Variants in NAPEPLD observed in about 807,000 individuals in gnomAD.
The protein encoded by NAPEPLD is N-acyl-phosphatidylethanolamine-hydrolyzing phospholipase D.
In NAPEPLD, 23 loss-of-function variants were observed where a neutral mutation model predicts 38.1. The observed-to-expected ratio is 0.60, with a 90% CI of 0.43 to 0.86. The LOEUF (loss-of-function observed/expected upper bound fraction) is 0.86. NAPEPLD is among the 40% of genes least tolerant of loss of function. The pLI is 0.00. For missense variants in NAPEPLD, 411 were observed against 476.8 expected, an observed-to-expected ratio of 0.86 and a Z score of 1.28; for synonymous variants, 147 against 162.0, an observed-to-expected ratio of 0.91 and a Z score of 0.71.
rs1458811724 is a variant in NAPEPLD at position 103,113,876 on chromosome 7, A to C, written c.1056+1184T>G. On this transcript the variant is annotated intron_variant, in intron 4 of 4. Transcript: ENST00000465647. ...ACCTCAGGTGATCCACCCGCCTCAG[A>C]CTCCCAAAGTGCTGGGATTACAGGT... 3.4e-3 allele frequency among the ~76,000 whole-genome samples: 436 copies of C among 129,926 alleles called. No homozygotes were observed. The Middle Eastern group carries it at 0.051, about 15-fold the overall frequency. The allele number at this position is 129,926 out of a possible 152,430, so 85.2% of individuals were successfully genotyped here. A position where few individuals can be genotyped will look rare whatever the true frequency, so the allele number is the denominator to read the frequency against.
chr7:103,128,493 C>T lies in NAPEPLD; in HGVS notation c.284G>A (p.Ser95Asn). 6.2e-7 allele frequency: 1 copy of T among 1,614,132 alleles called. No individual in the cohort carries two copies. The highest frequency in any genetic ancestry group is 8.5e-7 in the Non-Finnish European group (1 of 1,180,022). Residue 95 changes from serine (S) to asparagine (N), a missense_variant, in exon 2 of 5, where the codon AGT becomes AAT. Coordinates refer to ENST00000465647, the MANE Select transcript of NAPEPLD (RefSeq NM_001122838.3). ...AAAGCCAAGCGCTACCTCTTTAGAA[C>T]TTGGAACACTGCTGTGATCTTTCTC... Reference protein sequence around the residue: ...IMEKDHSSVPSSKEELDKELP... With the variant: ...IMEKDHSSVPNSKEELDKELP...
intron 1 of NAPEPLD, chr7:103,129,266 AGAAG>A (rs961910410): frequency 3.0e-5 from 29 of 968,976 alleles, no homozygotes; most frequent in Non-Finnish European, 3.3e-5. Context: ...CATGAAAGAA[AGAAG>A]GATGTTTGCT....
rs1389684053 is a variant in NAPEPLD, at chr7:103,103,244, T to C, written c.*185A>G. 1.4e-5 allele frequency: 8 copies of C among 563,644 alleles called. No individual in the cohort carries two copies. The highest frequency in any genetic ancestry group is 2.3e-5 in the Non-Finnish European group (8 of 345,240). The allele number at this position is 563,644 out of a possible 1,614,324, so 34.9% of individuals were successfully genotyped here. A position where few individuals can be genotyped will look rare whatever the true frequency, so the allele number is the denominator to read the frequency against. On this transcript the variant is annotated 3_prime_UTR_variant, in exon 5 of 5. Transcript: ENST00000465647. ...ATTTAAATGACCCACCCCTGAACCCTCTCATAGTGTACATGAGCTGATCAT... is the reference window on the plus strand; with the variant it reads ...ATTTAAATGACCCACCCCTGAACCCCCTCATAGTGTACATGAGCTGATCAT...
rs151011982 is a variant in NAPEPLD, at chr7:103,100,999, G to C, written c.*2430C>G. ...AGTTTAAAGTGCTTTGAGACCCTCA[G>C]TTAAACAGTACACGTGAATACAAAA... On this transcript the variant is annotated 3_prime_UTR_variant, in exon 5 of 5. Transcript: ENST00000465647. 41 of 152,288 alleles carry C rather than the reference G, an allele frequency of 2.7e-4. No homozygotes were observed. Among genetic ancestry groups the C allele is most frequent in the Admixed American group, 2.6e-3 (39 of 15,284 alleles). 9.4% of individuals were successfully genotyped at this position (152,288 alleles called of 1,614,324 possible).
intron 4 of NAPEPLD, among the ~76,000 whole-genome samples, chr7:103,112,589 A>G (rs1804750188): frequency 6.6e-6 from 1 of 151,058 alleles, no homozygotes; most frequent in Non-Finnish European, 1.5e-5. Flanking sequence ...AACATCACAC[A>G]TTGGGGCCTG....
chr7:103,113,065 A>AG (rs1804848958), intron 4 of NAPEPLD, among the ~76,000 whole-genome samples: 1 of 152,228 alleles, frequency 6.6e-6, no homozygotes, highest in South Asian at 2.1e-4. Flanking sequence ...CTAAAAATCT[A>AG]GGAGTCAACC....
chr7:103,144,884 T>A (rs1812220289), intron 1 of NAPEPLD, among the ~76,000 whole-genome samples: 1 of 152,056 alleles, frequency 6.6e-6, no homozygotes, highest in Non-Finnish European at 1.5e-5. Flanking sequence ...TGGTAGTGCA[T>A]GCCTGTAGTC....
intron 1 of NAPEPLD, among the ~76,000 whole-genome samples, chr7:103,138,759 CA>C (rs1242920264): frequency 6.6e-6 from 1 of 152,198 alleles, no homozygotes; most frequent in Non-Finnish European, 1.5e-5. Context: ...CGTGAGCCAC[CA>C]CACCCAGCCT....
In NAPEPLD at chr7:103,120,228, G is replaced by A; in HGVS notation, c.295-5C>T. 2 of 1,600,582 alleles carry A rather than the reference G, an allele frequency of 1.2e-6. No homozygotes were observed. Among genetic ancestry groups the A allele is most frequent in the South Asian group, 2.2e-5 (2 of 89,238 alleles). The stretch of plus-strand genomic sequence containing the variant: ...TGGGAGTTCTTTGTCTAGTTCCTTT[G>A]TGTATAAAGAAAGCAAGACAAAAGA... On this transcript the variant is annotated splice_polypyrimidine_tract_variant and splice_region_variant and intron_variant, in intron 2 of 4. Transcript: ENST00000465647.
rs981904357 is a variant in NAPEPLD at position 103,148,560 on chromosome 7, A to T, written c.-17+251T>A. On this transcript the variant is annotated intron_variant, in intron 1 of 4. Transcript: ENST00000465647. ...CAATAATACCCAATTTATAAGAAGC[A>T]AACAACCACAGAACAGAAAACTCAA... is the stretch of plus-strand genomic sequence containing the variant. 4.1e-4 allele frequency among the ~76,000 whole-genome samples: 62 copies of T among 151,950 alleles called. 1 individual carries two copies. The highest frequency in any genetic ancestry group is 3.4e-3 in the Middle Eastern group (1 of 294).
upstream of NAPEPLD, among the ~76,000 whole-genome samples, chr7:103,149,725 G>C (rs1813335918): frequency 2.6e-5 from 4 of 152,188 alleles, no homozygotes; most frequent in Admixed American, 2.6e-4. Flanking sequence ...TCCCCCCGCT[G>C]TCCTAAGCCA....
Position 103,103,267 on chromosome 7 carries a change from C to A in NAPEPLD, c.*162G>T. 2.5e-6 allele frequency: 2 copies of A among 785,980 alleles called. No individual in the cohort carries two copies. Among genetic ancestry groups the A allele is most frequent in the South Asian group, 2.1e-5 (1 of 46,958 alleles). 48.7% of individuals were successfully genotyped at this position (785,980 alleles called of 1,614,324 possible). ...CCTCTCATAGTGTACATGAGCTGAT[C>A]ATACTAGGAAGCAAGTTATTACACA... On this transcript the variant is annotated 3_prime_UTR_variant, in exon 5 of 5. Transcript: ENST00000465647.
intron 3 of NAPEPLD, among the ~76,000 whole-genome samples, chr7:103,115,857 G>A (rs769920792): frequency 2.2e-4 from 34 of 152,158 alleles, no homozygotes; most frequent in Non-Finnish European, 4.6e-4. Context: ...GCAAATTAAA[G>A]GGCAGATTAT....
intron 1 of NAPEPLD, among the ~76,000 whole-genome samples, chr7:103,133,629 C>T (rs10953383): frequency 0.52 from 79,208 of 152,092 alleles, 23,697 homozygotes; most frequent in Non-Finnish European, 0.66. Context: ...AGTGGGTTGT[C>T]TGTATGGTCC....
At chr7:103,144,050 G>C (rs942713633) in intron 1 of NAPEPLD, among the ~76,000 whole-genome samples, 2 of 152,160 alleles carry the variant, frequency 1.3e-5, no homozygotes, top group African/African-American at 4.8e-5. Context: ...TCATGCTATA[G>C]GTGATGTAAA....
intron 1 of NAPEPLD, among the ~76,000 whole-genome samples, chr7:103,144,749 T>G (rs974309806): frequency 1.3e-5 from 2 of 151,862 alleles, no homozygotes; most frequent in African/African-American, 4.8e-5. Flanking sequence ...GGCTCACACC[T>G]GTAATCCCAG....
At chr7:103,143,357 T>G (rs1450253062) in intron 1 of NAPEPLD, among the ~76,000 whole-genome samples, 6 of 152,166 alleles carry the variant, frequency 3.9e-5, no homozygotes, top group African/African-American at 1.4e-4. Flanking sequence ...AAATCTAGTG[T>G]TCTTTAATCT....
At chr7:103,140,348 T>C (rs1042612450) in intron 1 of NAPEPLD, among the ~76,000 whole-genome samples, 1 of 151,992 alleles carries the variant, frequency 6.6e-6, no homozygotes, top group African/African-American at 2.4e-5. Flanking sequence ...TTTGTTCTAT[T>C]TGAGTAAGAG....
At chr7:103,122,035 C>A (rs1208612959) in intron 2 of NAPEPLD, among the ~76,000 whole-genome samples, 1 of 151,550 alleles carries the variant, frequency 6.6e-6, no homozygotes, top group Admixed American at 6.6e-5. Context: ...CAAACTAAAT[C>A]TATAAAGATG....
Sources: gnomAD v4.1 joint callset for allele counts (sites outside exome capture counted in the v4.1 genomes callset) on GRCh38, gnomAD v4.1.1 for gene constraint, MANE v1.5 for transcripts, NCBI Gene and HGNC (gene_info 2026-07-23, HGNC 2026-07-21) for gene names.